The following OXCT1 variants were observed in gnomAD, a reference collection of about 807,000 sequenced individuals.
OXCT1 encodes 3-oxoacid CoA-transferase 1.
OXCT1 carries 27 observed loss-of-function variants against 69.6 expected under a neutral mutation model. The observed-to-expected ratio is 0.39, with a 90% confidence interval of 0.29 to 0.54. OXCT1 has a LOEUF of 0.54. Among genes scored for constraint, OXCT1 ranks in the 20% least tolerant of loss-of-function variants. The pLI, the probability that OXCT1 is intolerant of heterozygous loss-of-function variation, is 0.72. For synonymous variants in OXCT1, 202 were observed against 217.8 expected, an observed-to-expected ratio of 0.93 and a Z score of 0.64; for missense variants, 437 against 650.2, an observed-to-expected ratio of 0.67 and a Z score of 3.57.
chr5:41,781,295 C>A (rs1457532366), intron 13 of OXCT1, among the ~76,000 whole-genome samples: 3 of 152,104 alleles, frequency 2.0e-5, no homozygotes, highest in Admixed American at 6.5e-5. Flanking sequence ...CCACTCTACC[C>A]TTCATTGTTA....
intron 13 of OXCT1, among the ~76,000 whole-genome samples, chr5:41,786,218 T>C (rs909339295): frequency 6.6e-6 from 1 of 152,062 alleles, no homozygotes; most frequent in Non-Finnish European, 1.5e-5. Context: ...AGGGGGTCTC[T>C]AAAGACAACT....
At chr5:41,748,744 T>C (rs1412197157) in intron 15 of OXCT1, among the ~76,000 whole-genome samples, 1 of 152,080 alleles carries the variant, frequency 6.6e-6, no homozygotes, top group Non-Finnish European at 1.5e-5. Flanking sequence ...GTCAGATTAA[T>C]GCCAAGACAC....
intron 7 of OXCT1, among the ~76,000 whole-genome samples, chr5:41,819,107 C>G (rs1747399448): frequency 6.6e-6 from 1 of 151,994 alleles, no homozygotes; most frequent in South Asian, 2.1e-4. Flanking sequence ...ATCAGAGTGA[C>G]TTTAAAATCA....
At chr5:41,834,081 T>C (rs958363684) in intron 7 of OXCT1, among the ~76,000 whole-genome samples, 3 of 152,034 alleles carry the variant, frequency 2.0e-5, no homozygotes, top group African/African-American at 7.2e-5. Context: ...TGTTAAGTTT[T>C]CATCAGTTTA....
At chr5:41,805,818 T>A in intron 8 of OXCT1, 137 bp from the exon 9 acceptor site, 1 of 677,242 alleles carries the variant, frequency 1.5e-6, no homozygotes, top group Admixed American at 2.2e-5. Flanking sequence ...TACCAGATAT[T>A]TAAAAAATAC....
chr5:41,774,008 C>T (rs767306602), intron 13 of OXCT1, among the ~76,000 whole-genome samples: 2 of 152,128 alleles, frequency 1.3e-5, no homozygotes, highest in Non-Finnish European at 2.9e-5. Flanking sequence ...GGACTTTATT[C>T]CTTTTACAAC....
intron 14 of OXCT1, among the ~76,000 whole-genome samples, chr5:41,757,056 G>C (rs1744111799): frequency 6.6e-6 from 1 of 152,084 alleles, no homozygotes. Context: ...AAGTGAGATG[G>C]GAAGTCATTG....
intron 4 of OXCT1, among the ~76,000 whole-genome samples, chr5:41,852,438 C>T (rs1255396444): frequency 6.6e-6 from 1 of 152,140 alleles, no homozygotes; most frequent in Non-Finnish European, 1.5e-5. Context: ...GCAATATTTT[C>T]TGTTGACTAA....
intron 13 of OXCT1, among the ~76,000 whole-genome samples, chr5:41,766,304 G>A (rs564847583): frequency 1.3e-5 from 2 of 152,126 alleles, no homozygotes; most frequent in Admixed American, 1.3e-4. Context: ...CCTTTCTAAA[G>A]ATACTGATTC....
intron 7 of OXCT1, among the ~76,000 whole-genome samples, chr5:41,816,795 G>A (rs1747267130): frequency 6.6e-6 from 1 of 152,012 alleles, no homozygotes; most frequent in South Asian, 2.1e-4. Context: ...ATATGATCTG[G>A]TCTCATATGA....
intron 7 of OXCT1, among the ~76,000 whole-genome samples, chr5:41,838,625 A>ATT (rs113782574): frequency 1.3e-4 from 19 of 141,152 alleles, no homozygotes; most frequent in Non-Finnish European, 1.7e-4. Flanking sequence ...TTCTCAGTCA[A>ATT]TTTTTTTTTT....
chr5:41,805,420 T>G (rs1343454141), intron 9 of OXCT1, 147 bp downstream of exon 9: 2 of 635,142 alleles, frequency 3.1e-6, no homozygotes, highest in Non-Finnish European at 5.6e-6. Context: ...ATGCCACATT[T>G]TGTAAAAAAA....
At chr5:41,793,110 T>C (rs927444714) in intron 13 of OXCT1, among the ~76,000 whole-genome samples, 8 of 152,192 alleles carry the variant, frequency 5.3e-5, no homozygotes, top group African/African-American at 1.9e-4. Context: ...TCTAACATTG[T>C]TATCAACTAC....
rs1746578806 is a variant in OXCT1 at position 41,804,556 on chromosome 5, C to T, written c.955+1011G>A. 2.0e-5 allele frequency among the ~76,000 whole-genome samples: 3 copies of T among 152,026 alleles called. No homozygotes were observed. In the South Asian group the frequency reaches 6.2e-4, roughly 32 times the overall value. On this transcript the variant is annotated intron_variant, in intron 9 of 16. Coordinates refer to ENST00000196371, the MANE Select transcript of OXCT1 (RefSeq NM_000436.4). ...GTCAGGATAAGACGGGTTGAGAAGT[C>T]CAGTGACCAACTTTTACCTACTAAC...
chr5:41,843,032 C>A (rs1008628420), intron 5 of OXCT1, among the ~76,000 whole-genome samples: 1 of 152,154 alleles, frequency 6.6e-6, no homozygotes, highest in Admixed American at 6.6e-5. Flanking sequence ...ATTTGAGGAA[C>A]TGAAAGTTCT....
At chr5:41,752,580 C>G (rs964256062) in intron 14 of OXCT1, among the ~76,000 whole-genome samples, 1 of 151,970 alleles carries the variant, frequency 6.6e-6, no homozygotes, top group African/African-American at 2.4e-5. Flanking sequence ...TAGCAAGACC[C>G]TATTTCTACA....
In OXCT1 at chr5:41,828,227, C is replaced by T. The variant is rs367611035; in HGVS notation, c.732+12224G>A. On this transcript the variant is annotated intron_variant, in intron 7 of 16. Coordinates refer to ENST00000196371, the MANE Select transcript of OXCT1 (RefSeq NM_000436.4). ...GGTTCAAGCAATTCTCCTGCCTCAG[C>T]CTCCCGAGTAGCTGGGATTACAGGC... is the stretch of plus-strand genomic sequence containing the variant. 1.9e-3 allele frequency among the ~76,000 whole-genome samples: 283 copies of T among 152,314 alleles called. 4 individuals carry two copies. Among genetic ancestry groups the T allele is most frequent in the African/African-American group, 6.3e-3 (263 of 41,572 alleles).
chr5:41,741,629 T>G (rs974463220), intron 15 of OXCT1, among the ~76,000 whole-genome samples: 1 of 152,152 alleles, frequency 6.6e-6, no homozygotes, highest in African/African-American at 2.4e-5. Context: ...GATTATTGAC[T>G]CCAGCTGATT....
chr5:41,817,155 T>C (rs543989572), intron 7 of OXCT1, among the ~76,000 whole-genome samples: 38 of 152,296 alleles, frequency 2.5e-4, no homozygotes, highest in African/African-American at 9.1e-4. Context: ...CAGCAATTTA[T>C]TGATGTCAAT....
Sources: allele counts gnomAD v4.1 joint callset (sites outside exome capture counted in the v4.1 genomes callset), GRCh38; gene constraint gnomAD v4.1.1; transcripts MANE v1.5; gene names NCBI Gene and HGNC (gene_info 2026-07-23, HGNC 2026-07-21).